The following MAF variants were observed in gnomAD, a reference collection of about 807,000 sequenced individuals.
MAF encodes MAF bZIP transcription factor, also known as transcription factor Maf.
In MAF, 10 loss-of-function variants were observed where a neutral mutation model predicts 22.0. The ratio of observed to expected loss-of-function variants is 0.45; its 90% CI spans 0.28 to 0.77. MAF has a LOEUF of 0.77. MAF is among the 30% of genes least tolerant of loss of function. The pLI is 0.12. For missense variants in MAF, 544 were observed against 548.4 expected (o/e 0.99, Z 0.08); for synonymous variants, 337 against 255.8 (o/e 1.32, Z -3.03).
At chr16:79,298,406 T>A in the MAF span, among the ~76,000 whole-genome samples, 5 of 152,222 alleles carry the variant, frequency 3.3e-5, no homozygotes, top group African/African-American at 1.2e-4. Flanking sequence ...GGATTACATT[T>A]GTGTAATGCT....
chr16:79,540,396 C>G, the MAF span, among the ~76,000 whole-genome samples: 24 of 152,228 alleles, frequency 1.6e-4, no homozygotes, highest in South Asian at 4.6e-3. Context: ...CCAAACAAAC[C>G]TGATTCCAAC....
chr16:79,413,960 C>A, the MAF span, among the ~76,000 whole-genome samples: 1 of 152,130 alleles, frequency 6.6e-6, no homozygotes, highest in Non-Finnish European at 1.5e-5. Context: ...GCCAACACAC[C>A]TGAGTTCAGA....
chr16:79,449,633 G>C, the MAF span, among the ~76,000 whole-genome samples: 1 of 152,170 alleles, frequency 6.6e-6, no homozygotes, highest in Non-Finnish European at 1.5e-5. Flanking sequence ...GGCAGGGTCA[G>C]GAAGATGTGG....
the MAF span, among the ~76,000 whole-genome samples, chr16:79,441,714 T>C: frequency 6.6e-6 from 1 of 152,256 alleles, no homozygotes; most frequent in Admixed American, 6.5e-5. Flanking sequence ...ATTATTTGTT[T>C]CCTTCCATAG....
chr16:79,463,553 TG>T, the MAF span, among the ~76,000 whole-genome samples: 1 of 152,182 alleles, frequency 6.6e-6, no homozygotes, highest in Non-Finnish European at 1.5e-5. Context: ...GAGTATATTT[TG>T]GAAATTGGAA....
chr16:79,536,298 A>G, the MAF span, among the ~76,000 whole-genome samples: 2 of 152,210 alleles, frequency 1.3e-5, no homozygotes, highest in African/African-American at 4.8e-5. Flanking sequence ...AGCCTTCCAT[A>G]TTTGTGGGCT....
chr16:79,299,541 G>T, the MAF span, among the ~76,000 whole-genome samples: 1 of 152,098 alleles, frequency 6.6e-6, no homozygotes, highest in African/African-American at 2.4e-5. Context: ...TCAATTGACG[G>T]TTACTTTTTT....
chr16:79,557,537 G>A, the MAF span, among the ~76,000 whole-genome samples: 23 of 152,132 alleles, frequency 1.5e-4, no homozygotes, highest in South Asian at 2.7e-3. Context: ...CAGCCCTGCC[G>A]TTTACTACTT....
At chr16:79,216,503 G>C in the MAF span, among the ~76,000 whole-genome samples, 1 of 152,126 alleles carries the variant, frequency 6.6e-6, no homozygotes, top group East Asian at 1.9e-4. Context: ...CTTCCTTTCA[G>C]TATAGCATTC....
the MAF span, among the ~76,000 whole-genome samples, chr16:79,316,614 T>G: frequency 6.6e-6 from 1 of 152,216 alleles, no homozygotes; most frequent in Non-Finnish European, 1.5e-5. Context: ...CCCTTGAGTG[T>G]CAGACAGCTT....
At chr16:79,432,022 G>C in the MAF span, among the ~76,000 whole-genome samples, 2 of 151,388 alleles carry the variant, frequency 1.3e-5, no homozygotes, top group South Asian at 4.2e-4. Context: ...CTATGATGTG[G>C]TTTGACTGTG....
chr16:79,432,246 C>G, the MAF span, among the ~76,000 whole-genome samples: 3 of 152,108 alleles, frequency 2.0e-5, no homozygotes, highest in Non-Finnish European at 4.4e-5. Flanking sequence ...TGAAGAGGTA[C>G]CTTCTGCCAT....
chr16:79,463,184 G>C, the MAF span, among the ~76,000 whole-genome samples: 4 of 152,210 alleles, frequency 2.6e-5, no homozygotes, highest in Admixed American at 2.6e-4. Context: ...CATGTAGCTG[G>C]AAAGAAAAGA....
the MAF span, among the ~76,000 whole-genome samples, chr16:79,491,074 T>C: frequency 2.0e-5 from 3 of 151,920 alleles, no homozygotes; most frequent in Non-Finnish European, 2.9e-5. Context: ...TCCGAAAGGA[T>C]AGAACGGAAA....
chr16:79,473,187 C>A, the MAF span, among the ~76,000 whole-genome samples: 1 of 152,110 alleles, frequency 6.6e-6, no homozygotes, highest in Non-Finnish European at 1.5e-5. Context: ...GAGGAACAGC[C>A]ACAGGCAGTC....
chr16:79,474,496 G>C, the MAF span, among the ~76,000 whole-genome samples: 2 of 152,136 alleles, frequency 1.3e-5, no homozygotes, highest in East Asian at 3.9e-4. Context: ...GAATGGTGTG[G>C]GCTCAGGTGC....
the MAF span, among the ~76,000 whole-genome samples, chr16:79,517,574 T>TTC: frequency 0.011 from 116 of 10,970 alleles, 1 homozygote; most frequent in East Asian, 0.024. Flanking sequence ...TAGTCTTTTT[T>TTC]TTTTTTTTTT....
At chr16:79,367,429 T>C in the MAF span, among the ~76,000 whole-genome samples, 132 of 152,318 alleles carry the variant, frequency 8.7e-4, no homozygotes, top group Middle Eastern at 3.4e-3. Context: ...GTTACAGGGC[T>C]ACTTGTCTGC....
chr16:79,409,560 C>T, the MAF span, among the ~76,000 whole-genome samples: 8 of 152,294 alleles, frequency 5.3e-5, no homozygotes, highest in East Asian at 3.9e-4. Context: ...TCTTTGCAGG[C>T]CCGAAGCCCA....
Sources: allele counts gnomAD v4.1 joint callset (sites outside exome capture counted in the v4.1 genomes callset), GRCh38; gene constraint gnomAD v4.1.1; transcripts MANE v1.5; gene names NCBI Gene and HGNC (gene_info 2026-07-23, HGNC 2026-07-21).